Variants in DISP3 observed in about 807,000 individuals in gnomAD.
The protein encoded by DISP3 is dispatched RND transporter family member 3.
Under a neutral mutation model 135.3 loss-of-function variants are expected in DISP3, and 101 were observed. That is an observed-to-expected ratio of 0.75 (90% confidence interval 0.64 to 0.88). The LOEUF (loss-of-function observed/expected upper bound fraction) is 0.88, where lower values mean the gene tolerates loss of function less well. DISP3 is among the 40% of genes least tolerant of loss of function. The probability of loss-of-function intolerance (pLI) is 0.00; values close to 1 mark genes in which losing one functional copy is unlikely to be tolerated. For synonymous variants in DISP3, 856 were observed against 817.0 expected (o/e 1.05, Z -0.81); for missense variants, 1,713 against 1,878.6 (o/e 0.91, Z 1.63).
At position 11,526,832 on chromosome 1, in the gene DISP3, C is replaced by T. The variant is rs1430253377; in HGVS notation, c.2795C>T (p.Thr932Ile). 3.1e-6 allele frequency: 5 copies of T among 1,600,550 alleles called. No individual in the cohort carries two copies. The highest frequency in any genetic ancestry group is 3.4e-6 in the Non-Finnish European group (4 of 1,177,650). The change falls in exon 13 of 21, where the codon ACC becomes ATC. Residue 932 changes from threonine (T) to isoleucine (I), a missense_variant. By Grantham distance (89) the Thr-to-Ile change is moderately conservative (BLOSUM62 -1). This residue lies in a region of DISP3 where 1,142 missense variants were observed against 1,384.6 expected (regional missense o/e 0.82). Transcript: ENST00000294484. The part of the protein sequence containing the change: ...FYVATKEQQH[T>I]RKLYFAQSHK... ...GTGGCCACCAAGGAGCAGCAGCACA[C>T]CCGGTAACAGAGCCTGGCAGACAAG...
chr1:11,486,997 A>G (rs944277606), intron 1 of DISP3, among the ~76,000 whole-genome samples: 151 of 152,334 alleles, frequency 9.9e-4, no homozygotes, highest in Non-Finnish European at 4.4e-4. Context: ...ATGATTTAAC[A>G]GAAAGTCCTC....
chr1:11,519,902 G>GC lies in DISP3; in HGVS notation c.2200+27dup. 1 of 1,589,570 alleles carries GC rather than the reference G, an allele frequency of 6.3e-7. No individual in the cohort carries two copies. ...GTGGGTAAGTGGGCCCTCCGGCCCT[G>GC]CCCCCTGTCTCACAGCTCCACCCCC... On this transcript the variant is annotated intron_variant, in intron 9 of 20. Coordinates refer to ENST00000294484, the MANE Select transcript of DISP3 (RefSeq NM_020780.2). The surrounding 1 kb of genome is among the most constrained non-coding windows in gnomAD (Gnocchi z 4.3).
At chr1:11,512,257 G>GT (rs1000914614) in intron 3 of DISP3, among the ~76,000 whole-genome samples, 177 of 149,750 alleles carry the variant, frequency 1.2e-3, no homozygotes, top group Middle Eastern at 6.9e-3. Context: ...CAGAAAATGG[G>GT]TTTTTTTTTT....
At chr1:11,535,974 C>G (rs891754048) in intron 20 of DISP3, among the ~76,000 whole-genome samples, 23 of 152,314 alleles carry the variant, frequency 1.5e-4, no homozygotes, top group African/African-American at 5.1e-4. Context: ...CAAGTCTGCT[C>G]CAGCCCCTGG....
At chr1:11,515,318 T>A (rs2594318) in intron 4 of DISP3, 51 bp from the exon 5 acceptor site, 952,772 of 1,605,394 alleles carry the variant, frequency 0.59, 291,290 homozygotes, top group Admixed American at 0.66. Flanking sequence ...GTGGGGTTTG[T>A]GTCCCATGAG....
At chr1:11,535,429 G>A in intron 19 of DISP3, 49 bp from the exon 20 acceptor site, 6 of 1,555,082 alleles carry the variant, frequency 3.9e-6, no homozygotes, top group Non-Finnish European at 5.2e-6. Context: ...TTCCTCTGAG[G>A]CCTCCAGGGC....
In DISP3 at chr1:11,523,987, C is replaced by T. The variant is rs758012827; in HGVS notation, c.2408C>T (p.Thr803Met). 18 of 1,613,096 alleles carry T rather than the reference C, an allele frequency of 1.1e-5. No individual in the cohort carries two copies. The South Asian group carries it at 1.5e-4, about 14-fold the overall frequency. Reference protein sequence around the residue: ...KPHSLQNNIRTSLEKKRRGSG... With the variant: ...KPHSLQNNIRMSLEKKRRGSG... ...CACAGCCTGCAGAACAACATCCGGA[C>T]GTCCCTGGAGAAGAAGAGGCGAGGC... The change falls in exon 11 of 21, where the codon ACG becomes ATG. Residue 803 changes from threonine (T) to methionine (M), a missense_variant. Thr to Met is a moderately conservative substitution (Grantham distance 81, BLOSUM62 -1). Coordinates refer to ENST00000294484, the MANE Select transcript of DISP3 (RefSeq NM_020780.2).
chr1:11,528,159 T>C (rs954799052), intron 13 of DISP3, among the ~76,000 whole-genome samples: 13 of 152,308 alleles, frequency 8.5e-5, no homozygotes, highest in African/African-American at 3.1e-4. Context: ...TCAGAAAATG[T>C]TTATTTAATG....
At chr1:11,530,022 C>G in intron 15 of DISP3, 63 bp downstream of exon 15, 3 of 1,575,342 alleles carry the variant, frequency 1.9e-6, no homozygotes, top group Non-Finnish European at 1.7e-6. Flanking sequence ...CAAATAAGCA[C>G]CTGTCCAGGG....
chr1:11,486,393 C>A (rs924651960), intron 1 of DISP3, among the ~76,000 whole-genome samples: 1 of 152,208 alleles, frequency 6.6e-6, no homozygotes, highest in Non-Finnish European at 1.5e-5. Context: ...ACCCCCGCCC[C>A]CTTCCCTTCT....
intron 1 of DISP3, among the ~76,000 whole-genome samples, chr1:11,495,806 G>A (rs1384597076): frequency 1.3e-5 from 2 of 152,262 alleles, no homozygotes; most frequent in African/African-American, 4.8e-5. Flanking sequence ...CTCACTGGGC[G>A]CTGTCCTGCT....
intron 1 of DISP3, among the ~76,000 whole-genome samples, chr1:11,480,314 CCACAGTCCACGCGCACACT>C (rs1570041359): frequency 6.6e-6 from 1 of 152,140 alleles, no homozygotes; most frequent in African/African-American, 2.4e-5. Context: ...CCGCGCACAC[CCACAGTCCACGCGCACACT>C]CACACCCATC....
chr1:11,533,626 T>C, intron 17 of DISP3: 1 of 631,322 alleles, frequency 1.6e-6, no homozygotes, highest in East Asian at 2.7e-5. Context: ...CACCTCCCTC[T>C]GCAGACTGAA....
chr1:11,520,499 G>A lies in DISP3; in HGVS notation c.2201-188G>A, dbSNP rs2100471553. On this transcript the variant is annotated intron_variant, in intron 9 of 20. Coordinates refer to ENST00000294484, the MANE Select transcript of DISP3 (RefSeq NM_020780.2). This position sits in a 1 kb window ranked among gnomAD's most constrained non-coding sequence, Gnocchi z 4.8. ...CCCCATGGGACACCACAAAGCAACT[G>A]ATCCCTGGCCCTGTAGGACCATCCC... Among the ~76,000 whole-genome samples the A allele has an allele frequency of 6.6e-6, 1 of 152,204 alleles. No homozygotes were observed. The highest frequency in any genetic ancestry group is 2.1e-4 in the South Asian group (1 of 4,824).
chr1:11,489,283 A>G (rs546036015), intron 1 of DISP3, among the ~76,000 whole-genome samples: 14 of 152,194 alleles, frequency 9.2e-5, no homozygotes, highest in Non-Finnish European at 1.8e-4. Context: ...TTTGGGCGCT[A>G]TGGGGCAAAG....
chr1:11,526,045 G>A (rs1032453430), intron 12 of DISP3, among the ~76,000 whole-genome samples: 3 of 152,116 alleles, frequency 2.0e-5, no homozygotes, highest in Non-Finnish European at 4.4e-5. Context: ...TTTCTTTAAC[G>A]TGGTACACAC....
chr1:11,501,906 T>C lies in DISP3; in HGVS notation c.914T>C (p.Ile305Thr). ...LVTIHEIERK[I>T]MDHPGFREFC... The stretch of plus-strand genomic sequence containing the variant: ...ACGATCCATGAGATCGAGCGCAAGA[T>C]CATGGACCACCCAGGCTTCCGGGAG... Residue 305 changes from isoleucine to threonine, a missense_variant, in exon 2 of 21, where the codon ATC becomes ACC. Ile to Thr is a moderately conservative substitution (Grantham distance 89). Coordinates refer to ENST00000294484, the MANE Select transcript of DISP3 (RefSeq NM_020780.2). This position sits in a 1 kb window ranked among gnomAD's most constrained non-coding sequence, Gnocchi z 4.9. The C allele has an allele frequency of 6.2e-7, 1 of 1,613,512 alleles. No homozygotes were observed. Among genetic ancestry groups the C allele is most frequent in the Non-Finnish European group, 8.5e-7 (1 of 1,179,864 alleles).
chr1:11,501,115 G>C lies in DISP3; in HGVS notation c.123G>C (p.Gly41=). The part of the protein sequence containing the change: ...AQKPGPQPGA[G]GQCCWRHWPL... ...AGCCAGGGCCCCAACCTGGGGCAGG[G>C]GGACAGTGTTGCTGGCGGCACTGGC... The change falls in exon 2 of 21, where the codon GGG becomes GGC. Residue 41 remains glycine, a synonymous_variant. Transcript: ENST00000294484. The surrounding 1 kb of genome is among the most constrained non-coding windows in gnomAD (Gnocchi z 4.9). 1 of 1,613,962 alleles carries C rather than the reference G, an allele frequency of 6.2e-7. No homozygotes were observed. Among genetic ancestry groups the C allele is most frequent in the Non-Finnish European group, 8.5e-7 (1 of 1,179,944 alleles).
In DISP3 at chr1:11,536,347, G is replaced by C. The variant is rs767878802; in HGVS notation, c.3840G>C (p.Trp1280Cys). 2 of 1,603,716 alleles carry C rather than the reference G, an allele frequency of 1.2e-6. No individual in the cohort carries two copies. Among genetic ancestry groups the C allele is most frequent in the South Asian group, 2.2e-5 (2 of 91,042 alleles). The change falls in exon 21 of 21, where the codon TGG becomes TGC. Residue 1280 changes from tryptophan (W) to cysteine (C), a missense_variant. By Grantham distance (215) the Trp-to-Cys change is radical (BLOSUM62 -2). Coordinates refer to ENST00000294484, the MANE Select transcript of DISP3 (RefSeq NM_020780.2). This position sits in a 1 kb window ranked among gnomAD's most constrained non-coding sequence, Gnocchi z 4.3. ...QAEDARTQRQ[W>C]RTLEAVRHVG... ...AGGACGCCCGAACGCAGCGCCAGTG[G>C]CGTACGCTGGAGGCCGTGCGGCACG...
Sources: allele counts gnomAD v4.1 joint callset (sites outside exome capture counted in the v4.1 genomes callset), GRCh38; gene constraint gnomAD v4.1.1; regional missense constraint gnomAD v4.1.1; non-coding constraint Gnocchi (gnomAD v3.1); transcripts MANE v1.5; gene names NCBI Gene and HGNC (gene_info 2026-07-23, HGNC 2026-07-21).